Variants in G2E3 observed in about 807,000 individuals in gnomAD.
G2E3 encodes G2/M phase-specific E3 ubiquitin-protein ligase.
Under a neutral mutation model 92.8 loss-of-function variants are expected in G2E3, and 35 were observed. That is an observed-to-expected ratio of 0.38 (90% CI 0.29 to 0.50). G2E3 has a LOEUF of 0.50. G2E3 is among the 20% of genes least tolerant of loss of function. The pLI, the probability that G2E3 is intolerant of heterozygous loss-of-function variation, is 0.94. For synonymous variants in G2E3, 242 were observed against 272.4 expected, an observed-to-expected ratio of 0.89 and a Z score of 1.10; for missense variants, 554 against 823.8, an observed-to-expected ratio of 0.67 and a Z score of 4.01.
intron 12 of G2E3, among the ~76,000 whole-genome samples, chr14:30,608,665 A>G (rs1881943426): frequency 6.6e-6 from 1 of 152,216 alleles, no homozygotes; most frequent in Non-Finnish European, 1.5e-5. Context: ...GCAAACACTC[A>G]TTTATCATAA....
At chr14:30,560,030 A>G (rs1350962478) in intron 1 of G2E3, 7 of 151,942 alleles carry the variant, frequency 4.6e-5, no homozygotes, top group Non-Finnish European at 8.8e-5. Flanking sequence ...TTCATTGGCC[A>G]ACTGGGTTAT....
Position 30,584,027 on chromosome 14 carries a change from G to A in G2E3, c.38-2691G>A, listed in dbSNP as rs546178548. ...ATTAAGTAGTCACCCCTCATTTTCC[G>A]TGTCCCCAGCCCCTGGTAACCACTA... is the stretch of plus-strand genomic sequence containing the variant. On this transcript the variant is annotated intron_variant, in intron 2 of 14. Transcript: ENST00000206595. 2.2e-4 allele frequency among the ~76,000 whole-genome samples: 34 copies of A among 152,182 alleles called. 1 individual carries two copies. Among genetic ancestry groups the A allele is most frequent in the South Asian group, 1.2e-3 (6 of 4,826 alleles).
chr14:30,598,514 T>C lies in G2E3; in HGVS notation c.667T>C (p.Tyr223His). 6.2e-7 allele frequency: 1 copy of C among 1,613,384 alleles called. No homozygotes were observed. The highest frequency in any genetic ancestry group is 8.5e-7 in the Non-Finnish European group (1 of 1,179,246). Residue 223 changes from tyrosine to histidine, a missense_variant, in exon 8 of 15, where the codon TAT becomes CAT. Transcript: ENST00000206595. ...TTCCTGGGAATTAGAGGAAAACGCT[T>C]ATCAAGAGCTTCTGCAGCACTATGA... ...DASWELEENA[Y>H]QELLQHYERC...
chr14:30,581,688 C>T (rs539359718), intron 2 of G2E3, among the ~76,000 whole-genome samples: 129 of 152,108 alleles, frequency 8.5e-4, no homozygotes, highest in Non-Finnish European at 1.3e-3. Context: ...AGTGACAGAG[C>T]GAGACCCTGT....
Position 30,601,833 on chromosome 14 carries a change from A to G in G2E3, c.816A>G (p.Ser272=), listed in dbSNP as rs537808417. The G allele has an allele frequency of 4.4e-5, 71 of 1,612,964 alleles. No homozygotes were observed. The highest frequency in any genetic ancestry group is 4.9e-5 in the Non-Finnish European group (58 of 1,178,928). Residue 272 remains serine, a synonymous_variant, in exon 9 of 15, where the codon TCA becomes TCG. Transcript: ENST00000206595. The part of the protein sequence containing the change: ...GSSGTHLACS[S]LRSWEQNWEC... ...GTGGCACACATTTAGCCTGCTCCTCATTACGGTCATGGGAGCAAAATTGGG... is the reference window on the plus strand; with the variant it reads ...GTGGCACACATTTAGCCTGCTCCTCGTTACGGTCATGGGAGCAAAATTGGG...
intron 6 of G2E3, among the ~76,000 whole-genome samples, chr14:30,595,111 C>G (rs1168798920): frequency 6.6e-6 from 1 of 152,044 alleles, no homozygotes; most frequent in Non-Finnish European, 1.5e-5. Context: ...GCACTCCTGT[C>G]TGGGCGACAG....
intron 1 of G2E3, among the ~76,000 whole-genome samples, chr14:30,561,166 C>T (rs137862853): frequency 1.4e-4 from 21 of 152,162 alleles, no homozygotes; most frequent in Admixed American, 1.2e-3. Context: ...CTGTAAAAAC[C>T]GCATCACATA....
chr14:30,603,503 A>C (rs1369844885), intron 10 of G2E3, among the ~76,000 whole-genome samples: 1 of 152,140 alleles, frequency 6.6e-6, no homozygotes, highest in Admixed American at 6.5e-5. Context: ...AATAGGGAAG[A>C]AGTAGAAAAT....
At chr14:30,562,286 A>G (rs902106751) in intron 1 of G2E3, among the ~76,000 whole-genome samples, 1 of 152,204 alleles carries the variant, frequency 6.6e-6, no homozygotes, top group African/African-American at 2.4e-5. Context: ...AGATATGATT[A>G]TATATGAATA....
intron 10 of G2E3, among the ~76,000 whole-genome samples, chr14:30,602,353 G>T (rs978298051): frequency 2.2e-5 from 1 of 46,326 alleles, no homozygotes; most frequent in Non-Finnish European, 3.2e-5. Context: ...TGCATCATAC[G>T]TGGGAAAAGT....
intron 1 of G2E3, chr14:30,559,943 G>A (rs1194363494): frequency 6.6e-6 from 1 of 152,198 alleles, no homozygotes; most frequent in Non-Finnish European, 1.5e-5. Context: ...AACAGCGGTG[G>A]TGATTAACTA....
chr14:30,577,185 A>G (rs1351140616), intron 1 of G2E3, among the ~76,000 whole-genome samples: 1 of 143,570 alleles, frequency 7.0e-6, no homozygotes, highest in Non-Finnish European at 1.5e-5. Context: ...AGATTGCGTC[A>G]CTGCAATCCA....
At chr14:30,562,502 C>T (rs929616120) in intron 1 of G2E3, among the ~76,000 whole-genome samples, 1 of 152,164 alleles carries the variant, frequency 6.6e-6, no homozygotes, top group Non-Finnish European at 1.5e-5. Flanking sequence ...GTAACACCAG[C>T]GTCTGGGAAG....
intron 13 of G2E3, 59 bp downstream of exon 13, chr14:30,612,438 A>G: frequency 9.6e-7 from 1 of 1,042,732 alleles, no homozygotes; most frequent in Non-Finnish European, 1.4e-6. Context: ...GTGGTTAATT[A>G]TCTTGTAATG....
chr14:30,566,643 G>T (rs1277397040), intron 1 of G2E3, among the ~76,000 whole-genome samples: 1 of 152,142 alleles, frequency 6.6e-6, no homozygotes, highest in Non-Finnish European at 1.5e-5. Flanking sequence ...AATTCTGTAG[G>T]AAATTCTACA....
chr14:30,603,156 T>A (rs181340784), intron 10 of G2E3, among the ~76,000 whole-genome samples: 1 of 151,976 alleles, frequency 6.6e-6, no homozygotes, highest in Admixed American at 6.6e-5. Flanking sequence ...TGAAACCCCG[T>A]CTCTATTAAA....
Position 30,593,634 on chromosome 14 carries a change from T to G in G2E3, c.523T>G (p.Leu175Val), listed in dbSNP as rs1372504902. ...CKNAWFHRDC[L>V]QVQAINAGVF... is the part of the protein sequence containing the mutation. Reference sequence around the variant, plus strand: ...GAACGCTTGGTTTCATAGAGACTGTTTACAGGTAAGATACATATTTTGTAA... The same window carrying G: ...GAACGCTTGGTTTCATAGAGACTGTGTACAGGTAAGATACATATTTTGTAA... The change falls in exon 6 of 15, where the codon TTA (leucine) becomes GTA (valine). Residue 175 changes from leucine to valine, a missense_variant. This residue lies in a region of G2E3 where 20 missense variants were observed against 62.3 expected (regional missense o/e 0.32). Transcript: ENST00000206595. The G allele has an allele frequency of 6.3e-7, 1 of 1,597,802 alleles. No homozygotes were observed. Among genetic ancestry groups the G allele is most frequent in the Non-Finnish European group, 8.6e-7 (1 of 1,166,844 alleles).
At chr14:30,585,953 A>G (rs1279756561) in intron 2 of G2E3, among the ~76,000 whole-genome samples, 4 of 152,112 alleles carry the variant, frequency 2.6e-5, no homozygotes, top group African/African-American at 9.7e-5. Flanking sequence ...GGTTTTCCAA[A>G]TTTTTATTCC....
intron 2 of G2E3, among the ~76,000 whole-genome samples, chr14:30,584,136 G>T (rs1254868048): frequency 2.0e-5 from 3 of 152,114 alleles, no homozygotes; most frequent in Admixed American, 6.5e-5. Flanking sequence ...GTGACCCTTT[G>T]TGTGTGTTTG....
Sources: allele counts gnomAD v4.1 joint callset (sites outside exome capture counted in the v4.1 genomes callset), GRCh38; gene constraint gnomAD v4.1.1; regional missense constraint gnomAD v4.1.1; transcripts MANE v1.5; gene names NCBI Gene and HGNC (gene_info 2026-07-23, HGNC 2026-07-21).